The following SDK1 variants were observed in gnomAD, a reference collection of about 807,000 sequenced individuals.
The protein encoded by SDK1 is protein sidekick-1.
Under a neutral mutation model 245.5 loss-of-function variants are expected in SDK1, and 157 were observed. The ratio of observed to expected loss-of-function variants is 0.64; its 90% CI spans 0.56 to 0.73. The LOEUF (loss-of-function observed/expected upper bound fraction) is 0.73. Among genes scored for constraint, SDK1 ranks in the 30% least tolerant of loss-of-function variants. The pLI is 0.00. For synonymous variants in SDK1, 1,647 were observed against 1,278.5 expected, an observed-to-expected ratio of 1.29 and a Z score of -6.15; for missense variants, 3,583 against 3,002.3, an observed-to-expected ratio of 1.19 and a Z score of -4.52.
At chr7:3,766,977 G>C (rs1189709321) in intron 4 of SDK1, among the ~76,000 whole-genome samples, 1 of 152,178 alleles carries the variant, frequency 6.6e-6, no homozygotes, top group African/African-American at 2.4e-5. Context: ...GGTTTTCGTA[G>C]CTATTTGGAT....
At chr7:3,694,325 G>C (rs538732275) in intron 4 of SDK1, among the ~76,000 whole-genome samples, 1 of 152,244 alleles carries the variant, frequency 6.6e-6, no homozygotes, top group African/African-American at 2.4e-5. Flanking sequence ...TGAAGGCAAG[G>C]CCTGGCTTTC....
At chr7:4,235,851 C>T (rs12386762) in intron 41 of SDK1, among the ~76,000 whole-genome samples, 32,548 of 152,202 alleles carry the variant, frequency 0.21, 3,858 homozygotes, top group Non-Finnish European at 0.26. Flanking sequence ...GGGCCAGGCC[C>T]GCAGCCAGGG....
At chr7:4,248,161 T>C (rs527965596) in intron 44 of SDK1, among the ~76,000 whole-genome samples, 4 of 152,016 alleles carry the variant, frequency 2.6e-5, no homozygotes, top group African/African-American at 9.7e-5. Context: ...CATGCACACA[T>C]GAACACATAT....
At chr7:3,536,098 C>T (rs1174254934) in intron 1 of SDK1, among the ~76,000 whole-genome samples, 1 of 151,828 alleles carries the variant, frequency 6.6e-6, no homozygotes, top group African/African-American at 2.4e-5. Flanking sequence ...ACTCTGTCGC[C>T]CAGGCTGGAG....
chr7:3,605,892 GTTT>G (rs921952206), intron 1 of SDK1, among the ~76,000 whole-genome samples: 10 of 148,890 alleles, frequency 6.7e-5, no homozygotes, highest in African/African-American at 2.5e-4. Context: ...TTTGACAAAA[GTTT>G]TTTTTTTAAT....
In SDK1 at chr7:4,266,478, C is replaced by T; in HGVS notation, c.*1094C>T. The T allele has an allele frequency of 1.0e-6, 1 of 985,308 alleles. No individual in the cohort carries two copies. The highest frequency in any genetic ancestry group is 1.2e-6 in the Non-Finnish European group (1 of 829,856). The allele number at this position is 985,308 out of a possible 1,614,324, so 61.0% of individuals were successfully genotyped here. The stretch of plus-strand genomic sequence containing the variant: ...TGTCCTGGCTTCTGCTGGCTGCTCG[C>T]AGCAGCCACCGCTTCTCCACCACTG... On this transcript the variant is annotated 3_prime_UTR_variant, in exon 45 of 45. Transcript: ENST00000404826.
chr7:3,396,506 A>G (rs904059158), intron 1 of SDK1, among the ~76,000 whole-genome samples: 3 of 151,476 alleles, frequency 2.0e-5, no homozygotes, highest in Non-Finnish European at 3.0e-5. Context: ...GTTTCTCTTT[A>G]ATTTTGTCAG....
chr7:4,263,506 ACGTAGACCTCTCCTGAGTGGGGAGGCCG>A (rs1788197290), intron 44 of SDK1, among the ~76,000 whole-genome samples: 6 of 94,748 alleles, frequency 6.3e-5, no homozygotes, highest in Admixed American at 5.2e-4. Flanking sequence ...TGGGGAGGCC[ACGTAGACCTCTCCTGAGTGGGGAGGCCG>A]CGTAGACGCC....
intron 1 of SDK1, among the ~76,000 whole-genome samples, chr7:3,387,259 G>A (rs1017772655): frequency 4.0e-4 from 61 of 152,182 alleles, no homozygotes; most frequent in African/African-American, 1.4e-3. Flanking sequence ...AAGGCATAGA[G>A]CACCTTTAAT....
intron 4 of SDK1, among the ~76,000 whole-genome samples, chr7:3,682,274 C>T (rs943361318): frequency 1.3e-5 from 2 of 152,156 alleles, no homozygotes; most frequent in African/African-American, 4.8e-5. Context: ...TACTAAACAG[C>T]AGAGCTGACA....
intron 32 of SDK1, among the ~76,000 whole-genome samples, chr7:4,162,750 T>A (rs904355590): frequency 2.0e-5 from 3 of 152,168 alleles, no homozygotes; most frequent in Admixed American, 2.0e-4. Context: ...GAAGGCATAT[T>A]CTTCCAGATA....
chr7:3,459,296 T>A (rs978552188), intron 1 of SDK1, among the ~76,000 whole-genome samples: 2 of 152,234 alleles, frequency 1.3e-5, no homozygotes, highest in African/African-American at 4.8e-5. Context: ...CTTTCAGTTG[T>A]CATACTTTTT....
chr7:4,042,501 G>C (rs889261855), intron 17 of SDK1, among the ~76,000 whole-genome samples: 2 of 136,232 alleles, frequency 1.5e-5, no homozygotes, highest in Admixed American at 1.4e-4. Flanking sequence ...TGCGTGGGGG[G>C]AATTATCCAG....
intron 4 of SDK1, among the ~76,000 whole-genome samples, chr7:3,758,926 A>G (rs981031767): frequency 6.6e-6 from 1 of 152,186 alleles, no homozygotes; most frequent in Non-Finnish European, 1.5e-5. Context: ...AGTTTCTACA[A>G]GTATTTCTGA....
chr7:4,020,416 A>G (rs1046732906), intron 17 of SDK1, among the ~76,000 whole-genome samples: 1 of 152,218 alleles, frequency 6.6e-6, no homozygotes, highest in African/African-American at 2.4e-5. Context: ...AAGCGAGCGT[A>G]TGAATTCTGT....
At chr7:3,420,456 C>T (rs535551916) in intron 1 of SDK1, among the ~76,000 whole-genome samples, 1 of 152,202 alleles carries the variant, frequency 6.6e-6, no homozygotes, top group South Asian at 2.1e-4. Flanking sequence ...GAAAGAGATA[C>T]CTAAATATCA....
intron 1 of SDK1, among the ~76,000 whole-genome samples, chr7:3,405,775 A>G (rs1291534041): frequency 6.7e-6 from 1 of 149,908 alleles, no homozygotes; most frequent in Non-Finnish European, 1.5e-5. Context: ...GCTTCAGTGT[A>G]GTTCTGTTGT....
At chr7:3,492,367 A>C (rs1003777391) in intron 1 of SDK1, among the ~76,000 whole-genome samples, 1 of 152,138 alleles carries the variant, frequency 6.6e-6, no homozygotes, top group Admixed American at 6.6e-5. Context: ...GGTGGCAGGC[A>C]CCTGTAGTCC....
At chr7:4,159,623 G>T (rs1000465438) in intron 31 of SDK1, among the ~76,000 whole-genome samples, 2 of 152,218 alleles carry the variant, frequency 1.3e-5, no homozygotes, top group South Asian at 2.1e-4. Context: ...GCCGTCCCGG[G>T]TATATGGGGT....
Sources: allele counts gnomAD v4.1 joint callset (sites outside exome capture counted in the v4.1 genomes callset), GRCh38; gene constraint gnomAD v4.1.1; transcripts MANE v1.5; gene names NCBI Gene and HGNC (gene_info 2026-07-23, HGNC 2026-07-21).